KAZN: variants seen among roughly 807,000 people sequenced by gnomAD.
KAZN encodes kazrin.
Under a neutral mutation model 87.4 loss-of-function variants are expected in KAZN, and 40 were observed. That is an observed-to-expected ratio of 0.46 (90% CI 0.36 to 0.60). KAZN has a LOEUF of 0.60. Among genes scored for constraint, KAZN ranks in the 20% least tolerant of loss-of-function variants. The pLI, the probability that KAZN is intolerant of heterozygous loss-of-function variation, is 0.00. For synonymous variants in KAZN, 466 were observed against 458.3 expected (o/e 1.02, Z -0.22); for missense variants, 898 against 1,073.9 (o/e 0.84, Z 2.29).
At position 14,949,916 on chromosome 1, in the gene KAZN, C is replaced by G. The variant is rs1002355723; in HGVS notation, c.227-10768C>G. ...ATGGTAGAAGAGGATCCGCTTGGCACTCAGGGCACCGAGGAGGGTCTGGCT... is the reference window on the plus strand; with the variant it reads ...ATGGTAGAAGAGGATCCGCTTGGCAGTCAGGGCACCGAGGAGGGTCTGGCT... On this transcript the variant is annotated intron_variant, in intron 1 of 14. Coordinates refer to ENST00000376030, the MANE Select transcript of KAZN (RefSeq NM_201628.3). This position sits in a 1 kb window ranked among gnomAD's most constrained non-coding sequence, Gnocchi z 4.3. Among the ~76,000 whole-genome samples the G allele has an allele frequency of 6.6e-6, 1 of 152,054 alleles. No homozygotes were observed. Among genetic ancestry groups the G allele is most frequent in the Non-Finnish European group, 1.5e-5 (1 of 68,022 alleles).
rs1557788886 is a variant in KAZN, at chr1:15,087,678, C to T, written c.1223-6502C>T. Among the ~76,000 whole-genome samples the T allele has an allele frequency of 1.3e-5, 2 of 152,230 alleles. 1 individual carries two copies. Among genetic ancestry groups the T allele is most frequent in the South Asian group, 4.1e-4 (2 of 4,834 alleles). ...CTGGGATTACAGGCATGAGCCACCA[C>T]ACCCAGCCCTTAAGGCACTTCTCAA... On this transcript the variant is annotated intron_variant, in intron 8 of 14. Transcript: ENST00000376030.
At chr1:15,020,464 A>C (rs1670554937) in intron 2 of KAZN, among the ~76,000 whole-genome samples, 1 of 152,098 alleles carries the variant, frequency 6.6e-6, no homozygotes, top group Non-Finnish European at 1.5e-5. Flanking sequence ...CCTGTCGCTG[A>C]CTTCTAGCCA....
intron 1 of KAZN, among the ~76,000 whole-genome samples, chr1:14,850,404 G>A (rs1452574930): frequency 6.6e-6 from 1 of 152,138 alleles, no homozygotes; most frequent in African/African-American, 2.4e-5. Flanking sequence ...TTAAGGCAAA[G>A]AGACTGTATC....
chr1:14,940,374 C>T (rs1310819184), intron 1 of KAZN, among the ~76,000 whole-genome samples: 1 of 152,204 alleles, frequency 6.6e-6, no homozygotes, highest in Non-Finnish European at 1.5e-5. Context: ...CAGTAGCATC[C>T]ACCCATTGGC....
At chr1:14,706,080 T>C (rs772600193) in intron 1 of KAZN, among the ~76,000 whole-genome samples, 2 of 152,124 alleles carry the variant, frequency 1.3e-5, no homozygotes, top group African/African-American at 4.8e-5. Flanking sequence ...TGAACCCTCT[T>C]GTGAACTGTG....
chr1:14,607,487 T>G (rs560640790), intron 1 of KAZN, among the ~76,000 whole-genome samples: 2 of 152,354 alleles, frequency 1.3e-5, no homozygotes, highest in Non-Finnish European at 2.9e-5. Context: ...ATTGTTCTAA[T>G]GTTGGCATTG....
chr1:14,963,614 G>T (rs565001642), intron 2 of KAZN, among the ~76,000 whole-genome samples: 50 of 152,224 alleles, frequency 3.3e-4, no homozygotes, highest in South Asian at 1.0e-3. Flanking sequence ...GCATTTTTTT[G>T]TTGTTGTTGT....
chr1:15,057,242 C>T (rs1638372874), intron 5 of KAZN, among the ~76,000 whole-genome samples: 1 of 152,256 alleles, frequency 6.6e-6, no homozygotes, highest in Non-Finnish European at 1.5e-5. Flanking sequence ...TTACTAGAGG[C>T]ATGACCCATG....
chr1:14,263,588 G>A lies in KAZN; in HGVS notation c.249+82996G>A, dbSNP rs1478418657. 3.9e-5 allele frequency among the ~76,000 whole-genome samples: 6 copies of A among 151,960 alleles called. No individual in the cohort carries two copies. The East Asian group carries it at 1.2e-3, about 29-fold the overall frequency. ...GACAAAACTCTGGTTTGGTTTCAGC[G>A]ATGATTTCTGGGTATAGAGATTGCT... On this transcript the variant is annotated intron_variant, in intron 2 of 16. Coordinates refer to the KAZN transcript ENST00000636203.
chr1:14,182,414 A>G (rs1341792359), intron 2 of KAZN, among the ~76,000 whole-genome samples: 2 of 152,180 alleles, frequency 1.3e-5, no homozygotes, highest in East Asian at 3.9e-4. Flanking sequence ...TTAAACTAAC[A>G]AAGGATGAAG....
chr1:14,039,959 C>T (rs1641729560), intron 1 of KAZN, among the ~76,000 whole-genome samples: 1 of 152,118 alleles, frequency 6.6e-6, no homozygotes, highest in Non-Finnish European at 1.5e-5. Flanking sequence ...CACCCTTAGG[C>T]TGGGGATTTT....
At chr1:14,929,625 C>G (rs7512398) in intron 1 of KAZN, among the ~76,000 whole-genome samples, 18,696 of 152,210 alleles carry the variant, frequency 0.12, 1,365 homozygotes, top group East Asian at 0.28. Flanking sequence ...TGTCATTAAA[C>G]CCGGCCGAAG....
chr1:14,332,160 C>T lies in KAZN; in HGVS notation c.249+151568C>T, dbSNP rs540587305. Among the ~76,000 whole-genome samples the T allele has an allele frequency of 1.2e-3, 184 of 152,264 alleles. 1 individual carries two copies. The highest frequency in any genetic ancestry group is 2.9e-3 in the Admixed American group (44 of 15,292). ...ACAGAAATAGGGCCAGGCAGTTTCCCGACCCTGGCTCTGGTTCATCAGTTT... is the reference window on the plus strand; with the variant it reads ...ACAGAAATAGGGCCAGGCAGTTTCCTGACCCTGGCTCTGGTTCATCAGTTT... On this transcript the variant is annotated intron_variant, in intron 2 of 16. Coordinates refer to the KAZN transcript ENST00000636203.
chr1:14,099,155 G>C (rs769892171), intron 1 of KAZN, among the ~76,000 whole-genome samples: 18 of 152,060 alleles, frequency 1.2e-4, no homozygotes, highest in Non-Finnish European at 2.2e-4. Context: ...CAAATGGAGG[G>C]GAATAAGGAA....
chr1:14,829,779 T>C (rs569276969), intron 1 of KAZN, among the ~76,000 whole-genome samples: 1 of 152,236 alleles, frequency 6.6e-6, no homozygotes, highest in East Asian at 1.9e-4. Context: ...GGCCAGAGCA[T>C]AGAAGGTAAG....
chr1:14,206,705 T>TTC (rs1646753243), intron 2 of KAZN, among the ~76,000 whole-genome samples: 1 of 151,578 alleles, frequency 6.6e-6, no homozygotes, highest in African/African-American at 2.4e-5. Context: ...GCATTTTCTT[T>TTC]TTTTTTTTTT....
intron 1 of KAZN, among the ~76,000 whole-genome samples, chr1:14,721,009 C>A (rs574698232): frequency 6.0e-4 from 91 of 152,316 alleles, no homozygotes; most frequent in African/African-American, 2.1e-3. Flanking sequence ...ACCCTGTATA[C>A]AGAGTCAGGC....
chr1:14,280,701 C>T (rs1195501344), intron 2 of KAZN, among the ~76,000 whole-genome samples: 1 of 152,162 alleles, frequency 6.6e-6, no homozygotes, highest in African/African-American at 2.4e-5. Context: ...GCCACCCAGC[C>T]TGAGGTACCT....
intron 1 of KAZN, among the ~76,000 whole-genome samples, chr1:14,667,662 G>A (rs1212021400): frequency 1.3e-5 from 2 of 152,118 alleles, no homozygotes; most frequent in Admixed American, 1.3e-4. Flanking sequence ...CAGAGAATTT[G>A]GGAAGGGGCA....
Sources: allele counts gnomAD v4.1 joint callset (sites outside exome capture counted in the v4.1 genomes callset), GRCh38; gene constraint gnomAD v4.1.1; non-coding constraint Gnocchi (gnomAD v3.1); transcripts MANE v1.5; gene names NCBI Gene and HGNC (gene_info 2026-07-23, HGNC 2026-07-21).